The following CASKIN2 variants were observed in gnomAD, a reference collection of about 807,000 sequenced individuals.
CASKIN2 encodes the protein caskin-2.
CASKIN2 carries 41 observed loss-of-function variants against 107.1 expected under a neutral mutation model. The ratio of observed to expected loss-of-function variants is 0.38; its 90% confidence interval spans 0.30 to 0.50. The LOEUF is 0.50. Ranked by LOEUF, CASKIN2 falls within the 20% of genes least tolerant of loss-of-function variation. The pLI, the probability that CASKIN2 is intolerant of heterozygous loss-of-function variation, is 0.92. For missense variants in CASKIN2, 1,546 were observed against 1,657.4 expected, an observed-to-expected ratio of 0.93 and a Z score of 1.17; for synonymous variants, 724 against 705.6, an observed-to-expected ratio of 1.03 and a Z score of -0.41.
At position 75,501,544 on chromosome 17, in the gene CASKIN2, G is replaced by T; in HGVS notation, c.3442C>A (p.Leu1148Met). ...GCCAGGGACGAGCTGGTCTGCTCCA[G>T]TCTCTGCTGGGCCTGGCCTGGGCCC... ...TVGPGQAQQR[L>M]EQTSSSLAAA... Residue 1148 changes from leucine (L) to methionine (M), a missense_variant, in exon 19 of 20, where the codon CTG becomes ATG. Transcript: ENST00000321617. 2 of 1,612,506 alleles carry T rather than the reference G, an allele frequency of 1.2e-6. No individual in the cohort carries two copies. Among genetic ancestry groups the T allele is most frequent in the Non-Finnish European group, 1.7e-6 (2 of 1,179,644 alleles).
rs549279097 is a variant in CASKIN2 at position 75,505,743 on chromosome 17, G to A, written c.835+78C>T. The A allele has an allele frequency of 4.0e-5, 62 of 1,550,486 alleles. No homozygotes were observed. The East Asian group carries it at 5.0e-4, about 12-fold the overall frequency. On this transcript the variant is annotated intron_variant, in intron 9 of 19. Transcript: ENST00000321617. This position sits in a 1 kb window ranked among gnomAD's most constrained non-coding sequence, Gnocchi z 5.1. The stretch of plus-strand genomic sequence containing the variant: ...CCCTTGACAACCCTCCCCCAGGGAC[G>A]TCCACTCCCCCTCCACATCCTGGTA...
chr17:75,503,404 C>A lies in CASKIN2; in HGVS notation c.1804G>T (p.Gly602Trp). ...CAGTCCTTACCGAGCTTGTTGACCC[C>A]AATCTCCTGCAGCTCCTCCCAGGTG... Reference protein sequence around the residue: ...DLTWEELQEIGVNKLGHQKKL... With the variant: ...DLTWEELQEIWVNKLGHQKKL... The change falls in exon 17 of 20, where the codon GGG becomes TGG. Residue 602 changes from glycine (G) to tryptophan (W), a missense_variant. Transcript: ENST00000321617. 6.2e-7 allele frequency: 1 copy of A among 1,612,608 alleles called. No homozygotes were observed. Among genetic ancestry groups the A allele is most frequent in the Non-Finnish European group, 8.5e-7 (1 of 1,179,738 alleles).
chr17:75,512,280 G>A (rs547549789), intron 2 of CASKIN2, among the ~76,000 whole-genome samples: 1 of 152,340 alleles, frequency 6.6e-6, no homozygotes, highest in East Asian at 1.9e-4. Context: ...TCAGTCTGGT[G>A]GCAGGAACCA....
At position 75,503,071 on chromosome 17, in the gene CASKIN2, T is replaced by C; in HGVS notation, c.2003A>G (p.Gln668Arg). The C allele has an allele frequency of 6.2e-7, 1 of 1,607,250 alleles. No homozygotes were observed. The highest frequency in any genetic ancestry group is 8.5e-7 in the Non-Finnish European group (1 of 1,178,660). The change falls in exon 18 of 20, where the codon CAG becomes CGG. Residue 668 changes from glutamine to arginine, a missense_variant. Around this residue, in one of 6 missense-constraint regions of CASKIN2, gnomAD observed 1,311 missense variants for 1,311.0 expected, o/e 1.00. Transcript: ENST00000321617. ...ATAGPRLLTF[Q>R]GSELSPELQA... is the part of the protein sequence containing the mutation. The stretch of plus-strand genomic sequence containing the variant: ...TAGCTCTGGGCTTAGTTCGCTGCCC[T>C]GGAAGGTGAGGAGCCGTGGGCCAGC...
rs1262262644 is a variant in CASKIN2 at position 75,506,410 on chromosome 17, C to T, written c.621G>A (p.Gln207=). 1.9e-6 allele frequency: 3 copies of T among 1,608,724 alleles called. No homozygotes were observed. Among genetic ancestry groups the T allele is most frequent in the Non-Finnish European group, 2.5e-6 (3 of 1,179,662 alleles). ...AKNGHREVIR[Q]LLRAGIEINR... is the part of the protein sequence containing the mutation. ...TGATCTCGATCCCAGCTCTCAGGAG[C>T]TGCCTGCAGTGGACGGGGGGAGTCA... Residue 207 remains glutamine (Q), a synonymous_variant, in exon 8 of 20, where the codon CAG becomes CAA. Transcript: ENST00000321617. This position sits in a 1 kb window ranked among gnomAD's most constrained non-coding sequence, Gnocchi z 4.8.
At chr17:75,509,584 C>G in intron 2 of CASKIN2, 2 of 985,674 alleles carry the variant, frequency 2.0e-6, no homozygotes, top group Non-Finnish European at 2.4e-6. Context: ...GAAACACAGA[C>G]CTCCATTTTC....
chr17:75,501,211 C>G, intron 19 of CASKIN2, 41 bp from the exon 20 acceptor site: 1 of 1,503,170 alleles, frequency 6.7e-7, no homozygotes, highest in Non-Finnish European at 9.0e-7. Flanking sequence ...AGCCAGTGGC[C>G]TGCACCCCAC....
chr17:75,509,157 C>A (rs1001171968), intron 2 of CASKIN2, among the ~76,000 whole-genome samples: 2 of 152,228 alleles, frequency 1.3e-5, no homozygotes, highest in South Asian at 2.1e-4. Context: ...GGGCCACCCC[C>A]TCTCGGGGCA....
At chr17:75,515,180 C>CCCCAGCCCAG (rs903733765) in intron 1 of CASKIN2, 11 of 152,332 alleles carry the variant, frequency 7.2e-5, no homozygotes, top group African/African-American at 2.4e-4. Context: ...CCTCGCAACC[C>CCCCAGCCCAG]CCCAGCCCAG....
At position 75,500,355 on chromosome 17, in the gene CASKIN2, C is replaced by G. The variant is rs1269119592; in HGVS notation, c.*725G>C. The G allele has an allele frequency of 6.6e-6, 1 of 152,326 alleles. No individual in the cohort carries two copies. Among genetic ancestry groups the G allele is most frequent in the African/African-American group, 2.4e-5 (1 of 41,398 alleles). 9.4% of individuals were successfully genotyped at this position (152,326 alleles called of 1,614,324 possible). A position where few individuals can be genotyped will look rare whatever the true frequency, so the allele number is the denominator to read the frequency against. On this transcript the variant is annotated 3_prime_UTR_variant, in exon 20 of 20. Transcript: ENST00000321617. ...GGCCAATGGGGTCAGGCTCTCCCTGCCCTCAGGTGGGCAGTCGGGGCTCCT... is the reference window on the plus strand; with the variant it reads ...GGCCAATGGGGTCAGGCTCTCCCTGGCCTCAGGTGGGCAGTCGGGGCTCCT...
rs1011337189 is a variant in CASKIN2, at chr17:75,506,511, G to T, written c.617+72C>A. 25 of 1,600,140 alleles carry T rather than the reference G, an allele frequency of 1.6e-5. No individual in the cohort carries two copies. In the African/African-American group the frequency reaches 2.5e-4, roughly 16 times the overall value. On this transcript the variant is annotated intron_variant, in intron 7 of 19. Coordinates refer to ENST00000321617, the MANE Select transcript of CASKIN2 (RefSeq NM_020753.5). The surrounding 1 kb of genome is among the most constrained non-coding windows in gnomAD (Gnocchi z 4.8). ...GGAGAGCCCGGGTGAAAAGGGCAGT[G>T]GGGGAGAGCACTGAGGGGCACCGAT...
chr17:75,508,328 C>T, intron 2 of CASKIN2, 43 bp from the exon 3 acceptor site: 2 of 1,598,898 alleles, frequency 1.3e-6, no homozygotes, highest in Non-Finnish European at 1.7e-6. Context: ...CAGATGACTG[C>T]CCTCACTCAG....
chr17:75,508,860 A>G (rs1353943770), intron 2 of CASKIN2, among the ~76,000 whole-genome samples: 2 of 152,228 alleles, frequency 1.3e-5, no homozygotes, highest in Non-Finnish European at 2.9e-5. Context: ...GCTGATCAGA[A>G]CCTGCTCACG....
At position 75,508,227 on chromosome 17, in the gene CASKIN2, C is replaced by T. The variant is rs184759718; in HGVS notation, c.146+7G>A. On this transcript the variant is annotated splice_region_variant and intron_variant, in intron 3 of 19. Coordinates refer to ENST00000321617, the MANE Select transcript of CASKIN2 (RefSeq NM_020753.5). ...AGCTCTGCAGAGGGACAGGGGCTCC[C>T]ACTCACCCATCAGCATCCTGGTAGT... 474 of 1,613,844 alleles carry T rather than the reference C, an allele frequency of 2.9e-4. 3 individuals are homozygous for T. The East Asian group carries it at 8.0e-3, about 27-fold the overall frequency.
rs769898060 is a variant in CASKIN2, at chr17:75,506,934, C to T, written c.391-40G>A. 48 of 1,611,612 alleles carry T rather than the reference C, an allele frequency of 3.0e-5. No homozygotes were observed. The highest frequency in any genetic ancestry group is 6.7e-5 in the East Asian group (3 of 44,836). On this transcript the variant is annotated intron_variant, in intron 5 of 19. Transcript: ENST00000321617. This position sits in a 1 kb window ranked among gnomAD's most constrained non-coding sequence, Gnocchi z 4.8. ...GCCGAGTGAGGGGGCCTGGCCTGTC[C>T]GGCACCCCACCCTGCCCTGCGCCAC...
rs751431258 is a variant in CASKIN2, at chr17:75,503,015, G to C, written c.2059C>G (p.Pro687Ala). Residue 687 changes from proline to alanine, a missense_variant, in exon 18 of 20, where the codon CCA becomes GCA. By Grantham distance (27) the Pro-to-Ala change is conservative. Transcript: ENST00000321617. ...QAAMAGGGPE[P>A]LPLPPARSPS... ...GAGCGGGCAGGTGGGAGGGGGAGTG[G>C]TTCAGGGCCACCCCCTGCCATGGCC... The C allele has an allele frequency of 6.2e-7, 1 of 1,605,394 alleles. No individual in the cohort carries two copies. The highest frequency in any genetic ancestry group is 1.1e-5 in the South Asian group (1 of 90,546).
chr17:75,503,792 C>G, intron 15 of CASKIN2, 32 bp from the exon 16 acceptor site: 1 of 1,610,518 alleles, frequency 6.2e-7, no homozygotes, highest in Non-Finnish European at 8.5e-7. Context: ...TCAGGCCCCT[C>G]CCCCGCCTGC....
chr17:75,505,210 CA>C lies in CASKIN2; in HGVS notation c.931-138del, dbSNP rs1203962251. On this transcript the variant is annotated intron_variant, in intron 10 of 19. Transcript: ENST00000321617. This position sits in a 1 kb window ranked among gnomAD's most constrained non-coding sequence, Gnocchi z 5.1. ...CTAAGGAGCTGGCCTCTGATGCCCA[CA>C]CTGGCCCAAGTTCCGCCCCTGCTGC... 1.0e-6 allele frequency: 1 copy of C among 996,956 alleles called. No individual in the cohort carries two copies. The highest frequency in any genetic ancestry group is 1.5e-6 in the Non-Finnish European group (1 of 664,866). The allele number at this position is 996,956 out of a possible 1,614,324, so 61.8% of individuals were successfully genotyped here. A position where few individuals can be genotyped will look rare whatever the true frequency, so the allele number is the denominator to read the frequency against.
At chr17:75,512,269 C>A (rs1294982247) in intron 2 of CASKIN2, among the ~76,000 whole-genome samples, 1 of 152,232 alleles carries the variant, frequency 6.6e-6, no homozygotes, top group African/African-American at 2.4e-5. Flanking sequence ...CTCCTCCTGC[C>A]TCAGTCTGGT....
Sources: gnomAD v4.1 joint callset for allele counts (sites outside exome capture counted in the v4.1 genomes callset) on GRCh38, gnomAD v4.1.1 for gene constraint, gnomAD v4.1.1 regional missense constraint, Gnocchi (gnomAD v3.1) non-coding constraint, MANE v1.5 for transcripts, NCBI Gene and HGNC (gene_info 2026-07-23, HGNC 2026-07-21) for gene names.